PPM1H: variants seen among roughly 807,000 people sequenced by gnomAD.
The protein encoded by PPM1H is protein phosphatase, Mg2+/Mn2+ dependent 1H.
PPM1H carries 27 observed loss-of-function variants against 54.9 expected under a neutral mutation model. The ratio of observed to expected loss-of-function variants is 0.49; its 90% CI spans 0.36 to 0.68. The LOEUF is 0.68. PPM1H is among the 30% of genes least tolerant of loss of function. The pLI is 0.00. For synonymous variants in PPM1H, 305 were observed against 270.8 expected (o/e 1.13, Z -1.24); for missense variants, 596 against 667.8 (o/e 0.89, Z 1.19).
At chr12:62,730,662 TTTAA>T (rs2076316281) in intron 5 of PPM1H, among the ~76,000 whole-genome samples, 1 of 152,218 alleles carries the variant, frequency 6.6e-6, no homozygotes, top group Non-Finnish European at 1.5e-5. Flanking sequence ...ACTTTTTTTT[TTTAA>T]TTGAGTAATC....
chr12:62,812,891 G>C (rs1220372758), intron 2 of PPM1H, among the ~76,000 whole-genome samples: 1 of 151,352 alleles, frequency 6.6e-6, no homozygotes, highest in Non-Finnish European at 1.5e-5. Flanking sequence ...AGTCATTTCA[G>C]AAACAAGCAG....
chr12:62,784,427 C>T (rs1425837461), intron 4 of PPM1H, among the ~76,000 whole-genome samples: 2 of 152,158 alleles, frequency 1.3e-5, no homozygotes, highest in Non-Finnish European at 2.9e-5. Context: ...TGGCAGCTTC[C>T]AAATCAAACC....
intron 6 of PPM1H, among the ~76,000 whole-genome samples, chr12:62,714,934 C>T (rs1019512108): frequency 6.6e-5 from 10 of 152,316 alleles, no homozygotes; most frequent in South Asian, 2.1e-4. Context: ...TCTGGCCTGG[C>T]GCCAGGGGTG....
At chr12:62,795,514 T>C (rs917008633) in intron 3 of PPM1H, among the ~76,000 whole-genome samples, 1 of 152,150 alleles carries the variant, frequency 6.6e-6, no homozygotes, top group Non-Finnish European at 1.5e-5. Context: ...TGGTGCGATC[T>C]CTGCTCACTG....
At position 62,659,967 on chromosome 12, in the gene PPM1H, A is replaced by T. The variant is rs190746677; in HGVS notation, c.1397+7211T>A. ...CCAGCAACTCTCCACTGAAAATTAA[A>T]CAGGCAAACGTGTAGTCCCAGGCTA... On this transcript the variant is annotated intron_variant, in intron 9 of 9. Transcript: ENST00000228705. Among the ~76,000 whole-genome samples the T allele has an allele frequency of 9.8e-3, 1,488 of 152,340 alleles. 78 individuals carry two copies. Among genetic ancestry groups the T allele is most frequent in the Admixed American group, 0.084 (1,278 of 15,298 alleles).
intron 1 of PPM1H, among the ~76,000 whole-genome samples, chr12:62,926,766 C>T (rs557159616): frequency 1.3e-5 from 2 of 152,076 alleles, no homozygotes; most frequent in African/African-American, 4.8e-5. Flanking sequence ...ACCAGCCTGA[C>T]CAACATGGAG....
At chr12:62,714,950 T>C (rs534178310) in intron 6 of PPM1H, among the ~76,000 whole-genome samples, 1 of 152,294 alleles carries the variant, frequency 6.6e-6, no homozygotes, top group African/African-American at 2.4e-5. Flanking sequence ...GGGTGAAGTT[T>C]CAGCCCCCTC....
intron 5 of PPM1H, among the ~76,000 whole-genome samples, chr12:62,737,062 G>A (rs2076353397): frequency 6.6e-6 from 1 of 152,156 alleles, no homozygotes; most frequent in Non-Finnish European, 1.5e-5. Context: ...GTAGTGGCAT[G>A]TCAGCAGAGA....
At chr12:62,885,605 G>C (rs574892424) in intron 1 of PPM1H, among the ~76,000 whole-genome samples, 1 of 152,310 alleles carries the variant, frequency 6.6e-6, no homozygotes, top group African/African-American at 2.4e-5. Flanking sequence ...ACACACAGTA[G>C]AGGGCTGGAA....
At chr12:62,668,286 T>C (rs2075931968) in intron 8 of PPM1H, among the ~76,000 whole-genome samples, 1 of 152,190 alleles carries the variant, frequency 6.6e-6, no homozygotes, top group South Asian at 2.1e-4. Context: ...TTTGGCAGAA[T>C]CAATCCCTGC....
intron 6 of PPM1H, among the ~76,000 whole-genome samples, chr12:62,718,359 T>A (rs748892800): frequency 3.3e-5 from 5 of 152,256 alleles, no homozygotes; most frequent in Admixed American, 6.5e-5. Context: ...AATGTTGTTA[T>A]GATAGTTTTT....
At chr12:62,911,146 G>A (rs1261979318) in intron 1 of PPM1H, among the ~76,000 whole-genome samples, 1 of 151,944 alleles carries the variant, frequency 6.6e-6, no homozygotes, top group Non-Finnish European at 1.5e-5. Context: ...TCTTCAGGGG[G>A]TCTAATGATA....
intron 1 of PPM1H, among the ~76,000 whole-genome samples, chr12:62,932,290 ACT>A (rs1872164053): frequency 6.6e-6 from 1 of 151,638 alleles, no homozygotes; most frequent in South Asian, 2.1e-4. Context: ...CCCTCTAAGC[ACT>A]CTCTCATGCG....
At chr12:62,676,019 C>CAT (rs1228359080) in intron 8 of PPM1H, among the ~76,000 whole-genome samples, 1 of 152,180 alleles carries the variant, frequency 6.6e-6, no homozygotes, top group East Asian at 1.9e-4. Flanking sequence ...GCATGAGCCA[C>CAT]ATGCATTGTG....
chr12:62,854,806 A>G (rs1013501376), intron 1 of PPM1H, among the ~76,000 whole-genome samples: 1 of 152,196 alleles, frequency 6.6e-6, no homozygotes, highest in African/African-American at 2.4e-5. Context: ...GGAAGGCAGA[A>G]TGACACAAAA....
chr12:62,802,603 G>A (rs1242726345), intron 2 of PPM1H, among the ~76,000 whole-genome samples: 1 of 150,920 alleles, frequency 6.6e-6, no homozygotes, highest in African/African-American at 2.4e-5. Flanking sequence ...TCACTCTGTG[G>A]CCCAGGCTGG....
At chr12:62,881,653 C>T (rs1870399188) in intron 1 of PPM1H, among the ~76,000 whole-genome samples, 1 of 152,192 alleles carries the variant, frequency 6.6e-6, no homozygotes, top group Admixed American at 6.5e-5. Context: ...GCTACTTGTT[C>T]TGTTTCTCTG....
chr12:62,857,642 T>C (rs1050538875), intron 1 of PPM1H, among the ~76,000 whole-genome samples: 2 of 152,166 alleles, frequency 1.3e-5, no homozygotes, highest in African/African-American at 4.8e-5. Context: ...TCAAGTCCAC[T>C]GAATGTCAAG....
intron 1 of PPM1H, among the ~76,000 whole-genome samples, chr12:62,919,967 A>G (rs146659434): frequency 2.6e-4 from 39 of 152,266 alleles, no homozygotes. Flanking sequence ...AAAAAAATAC[A>G]TAAATAAACA....
Sources: allele counts gnomAD v4.1 joint callset (sites outside exome capture counted in the v4.1 genomes callset), GRCh38; gene constraint gnomAD v4.1.1; transcripts MANE v1.5; gene names NCBI Gene and HGNC (gene_info 2026-07-23, HGNC 2026-07-21).